The following CC2D2A variants were observed in gnomAD, a reference collection of about 807,000 sequenced individuals.
CC2D2A encodes the protein coiled-coil and C2 domain containing 2A, also known as coiled-coil and C2 domain-containing protein 2A.
In CC2D2A, 155 loss-of-function variants were observed where a neutral mutation model predicts 212.9. The observed-to-expected ratio is 0.73, with a 90% CI of 0.64 to 0.83. The LOEUF is 0.83. CC2D2A is among the 40% of genes least tolerant of loss of function. The pLI is 0.00. For synonymous variants in CC2D2A, 667 were observed against 686.5 expected (o/e 0.97, Z 0.44); for missense variants, 1,856 against 1,956.2 (o/e 0.95, Z 0.97).
At position 15,502,752 on chromosome 4, in the gene CC2D2A, G is replaced by A. The variant is rs1716031631; in HGVS notation, c.337-70G>A. On this transcript the variant is annotated intron_variant, in intron 5 of 36. Coordinates refer to ENST00000424120, the MANE Select transcript of CC2D2A (RefSeq NM_001378615.1). ...TCTTCCCCTTAAAGAAGGATAGCAT[G>A]TATTTTTTACTGATTATTTCTCGGC... 8 of 1,318,118 alleles carry A rather than the reference G, an allele frequency of 6.1e-6. No individual in the cohort carries two copies. In the South Asian group the frequency reaches 9.1e-5, roughly 15 times the overall value. The allele number at this position is 1,318,118 out of a possible 1,614,324, so 81.7% of individuals were successfully genotyped here.
intron 17 of CC2D2A, among the ~76,000 whole-genome samples, chr4:15,550,454 C>T (rs944348635): frequency 6.6e-6 from 1 of 152,220 alleles, no homozygotes; most frequent in African/African-American, 2.4e-5. Context: ...TACTGTCCCA[C>T]CCATTCCTCC....
chr4:15,528,872 AAC>A, intron 13 of CC2D2A, 146 bp downstream of exon 13: 1 of 600,268 alleles, frequency 1.7e-6, no homozygotes, highest in Non-Finnish European at 2.9e-6. Context: ...CTATCATATT[AAC>A]ACAGTATTTG....
In CC2D2A at chr4:15,480,812, C is replaced by T. The variant is rs769077754; in HGVS notation, c.232C>T (p.Arg78Trp). The change falls in exon 4 of 37, where the codon CGG becomes TGG. Residue 78 changes from arginine to tryptophan, a missense_variant. Physicochemically the swap from Arg to Trp is moderately radical, Grantham distance 101. Coordinates refer to ENST00000424120, the MANE Select transcript of CC2D2A (RefSeq NM_001378615.1). ...GACCCGCCTCCTGAGTATGACAGTC[C>T]GGAGAGGCCCACGGAGTAAGTGCCC... ...PKTRLLSMTV[R>W]RGPRSLPPIP... 6.8e-6 allele frequency: 11 copies of T among 1,612,620 alleles called. No homozygotes were observed. Among genetic ancestry groups the T allele is most frequent in the East Asian group, 2.2e-5 (1 of 44,818 alleles).
chr4:15,563,178 A>C (rs1318659915), intron 23 of CC2D2A, among the ~76,000 whole-genome samples, 177 bp from the exon 24 acceptor site: 1 of 152,232 alleles, frequency 6.6e-6, no homozygotes, highest in Admixed American at 6.5e-5. Flanking sequence ...TTAACAATCC[A>C]TGCAGTAGGA....
In CC2D2A at chr4:15,553,259, A is replaced by T. The variant is rs1719098708; in HGVS notation, c.2440A>T (p.Ile814Leu). The change falls in exon 19 of 37, where the codon ATA becomes TTA. Residue 814 changes from isoleucine (I) to leucine (L), a missense_variant. Ile to Leu is a conservative substitution (Grantham distance 5). Coordinates refer to ENST00000424120, the MANE Select transcript of CC2D2A (RefSeq NM_001378615.1). ...SVAWAIGENG[I>L]PLIPPLSQQN... ...GGCATGGGCCATTGGAGAAAACGGG[A>T]TACCTTTAATTCCTCCATTGTCACA... 1 of 1,613,272 alleles carries T rather than the reference A, an allele frequency of 6.2e-7. No homozygotes were observed. The highest frequency in any genetic ancestry group is 1.7e-5 in the Admixed American group (1 of 59,914).
chr4:15,482,767 C>T (rs1446228318), intron 4 of CC2D2A, among the ~76,000 whole-genome samples: 1 of 152,136 alleles, frequency 6.6e-6, no homozygotes, highest in African/African-American at 2.4e-5. Context: ...GAAAGACTGC[C>T]AGGAGAGGTG....
At chr4:15,542,921 C>T (rs549395643) in intron 17 of CC2D2A, among the ~76,000 whole-genome samples, 5 of 152,266 alleles carry the variant, frequency 3.3e-5, no homozygotes, top group South Asian at 4.1e-4. Context: ...AGAGGACGTT[C>T]GTGACAGCTG....
chr4:15,510,228 G>A lies in CC2D2A; in HGVS notation c.528G>A (p.Lys176=). 6.2e-7 allele frequency: 1 copy of A among 1,609,152 alleles called. No individual in the cohort carries two copies. Among genetic ancestry groups the A allele is most frequent in the Non-Finnish European group, 8.5e-7 (1 of 1,178,630 alleles). ...TCCATGATTCTGCACGAAAAATCAA[G>A]CCTAAACCCCAGGTGAGAAATCTTG... ...VKFHDSARKI[K]PKPQVPPGFP... is the part of the protein sequence containing the mutation. The change falls in exon 7 of 37, where the codon AAG becomes AAA. Residue 176 remains lysine, a synonymous_variant. Transcript: ENST00000424120.
Position 15,470,048 on chromosome 4 carries a change from G to C in CC2D2A, c.-28G>C, listed in dbSNP as rs1713615232. On this transcript the variant is annotated 5_prime_UTR_variant, in exon 1 of 37. Coordinates refer to ENST00000424120, the MANE Select transcript of CC2D2A (RefSeq NM_001378615.1). ...GAATCTGCAAAGTGCCTTTTGTAAA[G>C]TTTCTTAAGGTAAATCAGTCCCTAA... 6.6e-6 allele frequency: 1 copy of C among 152,164 alleles called. No homozygotes were observed. Among genetic ancestry groups the C allele is most frequent in the African/African-American group, 2.4e-5 (1 of 41,440 alleles). 9.4% of individuals were successfully genotyped at this position (152,164 alleles called of 1,614,324 possible).
chr4:15,486,904 A>G (rs1715032525), intron 4 of CC2D2A, among the ~76,000 whole-genome samples: 1 of 151,604 alleles, frequency 6.6e-6, no homozygotes, highest in African/African-American at 2.4e-5. Context: ...CATTGACCCA[A>G]TTGTTGTTCT....
At position 15,557,406 on chromosome 4, in the gene CC2D2A, C is replaced by T. The variant is rs781206278; in HGVS notation, c.2728C>T (p.Arg910Ter). 4.3e-6 allele frequency: 7 copies of T among 1,613,236 alleles called. No individual in the cohort carries two copies. Among genetic ancestry groups the T allele is most frequent in the East Asian group, 4.5e-5 (2 of 44,826 alleles). The change falls in exon 21 of 37, where the codon CGA becomes TGA. Residue 910 changes from arginine to a stop codon, truncating the protein, a stop_gained. Transcript: ENST00000424120. LOFTEE classifies it high-confidence loss of function. ...AGATCAAGAATTAAATAGATCCAAA[C>T]GATTTAGGCTTCTTCATCTTAGAAG... ...VSDQELNRSK[R>*]FRLLHLRSQE...
intron 4 of CC2D2A, among the ~76,000 whole-genome samples, chr4:15,497,497 A>G (rs375110472): frequency 1.2e-4 from 19 of 152,356 alleles, no homozygotes; most frequent in Non-Finnish European, 2.4e-4. Context: ...TTATGGAAAT[A>G]CTAGGTTCTC....
chr4:15,495,708 C>A (rs1374757417), intron 4 of CC2D2A, among the ~76,000 whole-genome samples: 4 of 152,114 alleles, frequency 2.6e-5, no homozygotes, highest in African/African-American at 9.7e-5. Context: ...GTACATGTGT[C>A]TTTATGGTAG....
At chr4:15,594,367 TCAAA>T (rs1287254989) in intron 33 of CC2D2A, among the ~76,000 whole-genome samples, 1 of 152,152 alleles carries the variant, frequency 6.6e-6, no homozygotes, top group East Asian at 1.9e-4. Flanking sequence ...CTAAATGGCT[TCAAA>T]CATTTATTCT....
Position 15,515,980 on chromosome 4 carries a change from G to T in CC2D2A, c.993G>T (p.Glu331Asp). ...EVARTNQNIM[E>D]NRLLMQDPER... The stretch of plus-strand genomic sequence containing the variant: ...CACGCACCAATCAGAACATCATGGA[G>T]AACAGATTGCTGATGCAGGACCCCG... Residue 331 changes from glutamate to aspartate, a missense_variant, in exon 10 of 37, where the codon GAG becomes GAT. Transcript: ENST00000424120. The T allele has an allele frequency of 6.3e-7, 1 of 1,590,670 alleles. No homozygotes were observed. The highest frequency in any genetic ancestry group is 8.6e-7 in the Non-Finnish European group (1 of 1,168,258).
chr4:15,534,136 C>CTCT (rs1424788304), intron 14 of CC2D2A, among the ~76,000 whole-genome samples: 1 of 152,160 alleles, frequency 6.6e-6, no homozygotes, highest in Non-Finnish European at 1.5e-5. Flanking sequence ...TGTGAGGTGT[C>CTCT]TCTTCAAGGC....
chr4:15,535,862 G>A (rs932630667), intron 14 of CC2D2A, among the ~76,000 whole-genome samples: 3 of 152,098 alleles, frequency 2.0e-5, no homozygotes, highest in Admixed American at 6.6e-5. Context: ...GTCAGTATTC[G>A]GCACCATCTC....
chr4:15,583,639 G>A (rs1304237742), intron 30 of CC2D2A, among the ~76,000 whole-genome samples: 1 of 152,084 alleles, frequency 6.6e-6, no homozygotes, highest in Non-Finnish European at 1.5e-5. Context: ...TGAGGTGAAA[G>A]ATCTCTGCAA....
intron 29 of CC2D2A, among the ~76,000 whole-genome samples, chr4:15,575,142 A>T (rs1185080902): frequency 2.0e-5 from 3 of 152,218 alleles, no homozygotes; most frequent in Non-Finnish European, 4.4e-5. Flanking sequence ...ATTCATATGT[A>T]AACAAATACA....
Sources: allele counts gnomAD v4.1 joint callset (sites outside exome capture counted in the v4.1 genomes callset), GRCh38; gene constraint gnomAD v4.1.1; transcripts MANE v1.5; gene names NCBI Gene and HGNC (gene_info 2026-07-23, HGNC 2026-07-21).